The following LRP1B variants were observed in gnomAD, a reference collection of about 807,000 sequenced individuals.
LRP1B encodes LDL receptor related protein 1B, also known as low-density lipoprotein receptor-related protein 1B.
LRP1B carries 217 observed loss-of-function variants against 556.6 expected under a neutral mutation model. The ratio of observed to expected loss-of-function variants is 0.39; its 90% CI spans 0.35 to 0.44. LRP1B has a LOEUF of 0.44. Among genes scored for constraint, LRP1B ranks in the 20% least tolerant of loss-of-function variants. The pLI is 1.00. For synonymous variants in LRP1B, 2,047 were observed against 1,865.8 expected, an observed-to-expected ratio of 1.10 and a Z score of -2.50; for missense variants, 5,053 against 5,620.8, an observed-to-expected ratio of 0.90 and a Z score of 3.23.
intron 35 of LRP1B, among the ~76,000 whole-genome samples, chr2:140,746,070 G>A (rs1305141304): frequency 6.6e-6 from 1 of 152,088 alleles, no homozygotes; most frequent in African/African-American, 2.4e-5. Context: ...GACATAGGGT[G>A]GTTGTGAGTG....
chr2:141,942,552 G>GT (rs1442353422), intron 1 of LRP1B, among the ~76,000 whole-genome samples: 1 of 151,932 alleles, frequency 6.6e-6, no homozygotes, highest in East Asian at 1.9e-4. Context: ...CCATACCCTG[G>GT]TGCCTGTATT....
chr2:140,674,260 A>G (rs1685591294), intron 41 of LRP1B, among the ~76,000 whole-genome samples: 1 of 151,962 alleles, frequency 6.6e-6, no homozygotes, highest in Admixed American at 6.6e-5. Flanking sequence ...TATTTCTTTG[A>G]CATATTTTGG....
At chr2:140,741,261 C>G (rs1268511606) in intron 35 of LRP1B, among the ~76,000 whole-genome samples, 1 of 152,106 alleles carries the variant, frequency 6.6e-6, no homozygotes, top group Non-Finnish European at 1.5e-5. Flanking sequence ...ATTTCACCCC[C>G]AACCCAAATA....
At chr2:140,316,231 C>CT (rs1366106220) in intron 82 of LRP1B, among the ~76,000 whole-genome samples, 1 of 152,056 alleles carries the variant, frequency 6.6e-6, no homozygotes, top group Non-Finnish European at 1.5e-5. Context: ...AGAATATGCC[C>CT]TTTACTATAG....
intron 2 of LRP1B, among the ~76,000 whole-genome samples, chr2:141,564,138 A>G (rs534211698): frequency 2.0e-5 from 3 of 152,142 alleles, no homozygotes; most frequent in African/African-American, 7.2e-5. Flanking sequence ...ATTTTGTTTG[A>G]GAAATGAAGG....
chr2:141,677,437 G>A (rs572776704), intron 2 of LRP1B, among the ~76,000 whole-genome samples: 7 of 152,126 alleles, frequency 4.6e-5, no homozygotes, highest in South Asian at 4.2e-4. Flanking sequence ...TTATTACAGG[G>A]GAGTTATGCC....
chr2:141,757,660 A>G (rs776572862), intron 2 of LRP1B, among the ~76,000 whole-genome samples: 7 of 152,004 alleles, frequency 4.6e-5, no homozygotes, highest in Non-Finnish European at 8.8e-5. Flanking sequence ...CAATCTCCCA[A>G]ATAGCCGGGA....
intron 31 of LRP1B, among the ~76,000 whole-genome samples, chr2:140,831,998 T>C (rs1691734101): frequency 6.6e-6 from 1 of 152,174 alleles, no homozygotes; most frequent in South Asian, 2.1e-4. Context: ...GAATGGTTAT[T>C]ATCAAAAAGA....
intron 1 of LRP1B, among the ~76,000 whole-genome samples, chr2:141,997,688 T>TC (rs562271633): frequency 1.7e-3 from 254 of 150,678 alleles, no homozygotes; most frequent in African/African-American, 5.9e-3. Flanking sequence ...GCTTTTTTTT[T>TC]CTCTCTTAGG....
intron 2 of LRP1B, among the ~76,000 whole-genome samples, chr2:141,584,599 C>G (rs1687065333): frequency 6.6e-6 from 1 of 151,946 alleles, no homozygotes; most frequent in South Asian, 2.1e-4. Flanking sequence ...TCCAAATTAC[C>G]TATAGCTAAA....
chr2:140,471,130 A>G (rs370225461), intron 60 of LRP1B, among the ~76,000 whole-genome samples: 1 of 152,222 alleles, frequency 6.6e-6, no homozygotes, highest in East Asian at 1.9e-4. Flanking sequence ...TAAAAACTGA[A>G]TATTTCTACC....
At chr2:141,134,157 A>G (rs768650192) in intron 7 of LRP1B, among the ~76,000 whole-genome samples, 5 of 151,604 alleles carry the variant, frequency 3.3e-5, no homozygotes, top group Non-Finnish European at 5.9e-5. Context: ...CTGCCTTAAT[A>G]TATTTCAGTG....
At chr2:140,282,231 A>G (rs1573729521) in intron 84 of LRP1B, among the ~76,000 whole-genome samples, 1 of 151,794 alleles carries the variant, frequency 6.6e-6, no homozygotes, top group African/African-American at 2.4e-5. Flanking sequence ...TTTTAGTAAA[A>G]TGATGTAAAT....
Position 141,178,378 on chromosome 2 carries a change from G to T in LRP1B, c.1013+10043C>A, listed in dbSNP as rs115131586. Among the ~76,000 whole-genome samples, 490 of 152,230 alleles carry T rather than the reference G, an allele frequency of 3.2e-3. 6 individuals carry two copies. The highest frequency in any genetic ancestry group is 0.011 in the African/African-American group (466 of 41,566). ...CTGGCTCTGGACCAATGGCCACTGT[G>T]AGTTTCCCAGTCTTCCACTTTCTAA... is the stretch of plus-strand genomic sequence containing the variant. On this transcript the variant is annotated intron_variant, in intron 7 of 90. Transcript: ENST00000389484.
intron 2 of LRP1B, among the ~76,000 whole-genome samples, chr2:141,741,363 G>A (rs1277543284): frequency 1.6e-5 from 2 of 128,448 alleles, no homozygotes; most frequent in South Asian, 5.3e-4. Flanking sequence ...TAGTTTTTTT[G>A]AGGAGCCTCC....
intron 2 of LRP1B, among the ~76,000 whole-genome samples, chr2:141,492,810 G>C (rs192581173): frequency 2.5e-4 from 38 of 152,196 alleles, no homozygotes; most frequent in Non-Finnish European, 5.9e-5. Flanking sequence ...TACCAGTCCT[G>C]AATCATTGGT....
intron 11 of LRP1B, among the ~76,000 whole-genome samples, chr2:141,044,349 C>T (rs1363270623): frequency 2.6e-5 from 4 of 151,818 alleles, no homozygotes; most frequent in African/African-American, 2.4e-5. Context: ...CCATTCAGGA[C>T]ATAGGCATGG....
intron 2 of LRP1B, among the ~76,000 whole-genome samples, chr2:141,682,345 CA>C (rs200535104): frequency 0.24 from 31,990 of 132,616 alleles, 3,993 homozygotes; most frequent in East Asian, 0.5. Context: ...AAGTAGATGG[CA>C]AAAAAAAAAA....
intron 12 of LRP1B, among the ~76,000 whole-genome samples, chr2:141,017,391 C>A (rs1697932237): frequency 7.1e-6 from 1 of 140,862 alleles, no homozygotes; most frequent in African/African-American, 2.6e-5. Context: ...TACCCTATAG[C>A]TTCTCCTTTT....
Sources: gnomAD v4.1 joint callset for allele counts (sites outside exome capture counted in the v4.1 genomes callset) on GRCh38, gnomAD v4.1.1 for gene constraint, MANE v1.5 for transcripts, NCBI Gene and HGNC (gene_info 2026-07-23, HGNC 2026-07-21) for gene names.